CBLN2: variants seen among roughly 807,000 people sequenced by gnomAD.
CBLN2 encodes cerebellin-2.
In CBLN2, 7 loss-of-function variants were observed where a neutral mutation model predicts 15.0. That is an observed-to-expected ratio of 0.47 (90% CI 0.27 to 0.88). CBLN2 has a LOEUF of 0.88. Ranked by LOEUF, CBLN2 falls within the 40% of genes least tolerant of loss-of-function variation. The pLI, the probability that CBLN2 is intolerant of heterozygous loss-of-function variation, is 0.14. For synonymous variants in CBLN2, 149 were observed against 135.2 expected, an observed-to-expected ratio of 1.10 and a Z score of -0.71; for missense variants, 242 against 304.5, an observed-to-expected ratio of 0.79 and a Z score of 1.53.
At chr18:72,618,841 CAA>C (rs1360186558) in intron 1 of CBLN2, 21 of 735,494 alleles carry the variant, frequency 2.9e-5, no homozygotes, top group Middle Eastern at 7.7e-4. Context: ...TTCATCCAGC[CAA>C]AGAGATTGAA....
chr18:72,577,134 T>A (rs2144913671), intron 1 of CBLN2, among the ~76,000 whole-genome samples: 1 of 150,076 alleles, frequency 6.7e-6, no homozygotes, highest in South Asian at 2.1e-4. Context: ...ATAGAAATGT[T>A]TGCAATATAG....
chr18:72,607,541 A>G (rs1555672338), intron 1 of CBLN2, among the ~76,000 whole-genome samples: 5 of 152,176 alleles, frequency 3.3e-5, no homozygotes, highest in Non-Finnish European at 7.4e-5. Flanking sequence ...CTTCTAGAGC[A>G]CCCCACCAAA....
intron 1 of CBLN2, among the ~76,000 whole-genome samples, chr18:72,559,659 G>A (rs184488967): frequency 4.5e-4 from 69 of 152,328 alleles, no homozygotes; most frequent in Non-Finnish European, 8.2e-4. Context: ...ATTGCCAGCC[G>A]GTGGCCGGCA....
intron 1 of CBLN2, among the ~76,000 whole-genome samples, chr18:72,621,125 TG>T (rs1298337918): frequency 6.6e-6 from 1 of 152,218 alleles, no homozygotes; most frequent in Non-Finnish European, 1.5e-5. Flanking sequence ...TAGAGTCTGG[TG>T]TTGCTTTGCC....
At chr18:72,578,433 G>T (rs1359881661) in intron 1 of CBLN2, among the ~76,000 whole-genome samples, 1 of 152,086 alleles carries the variant, frequency 6.6e-6, no homozygotes, top group Non-Finnish European at 1.5e-5. Context: ...GAACTGTATG[G>T]CTTGAAGTCA....
intron 1 of CBLN2, among the ~76,000 whole-genome samples, chr18:72,580,134 A>C (rs569435164): frequency 3.4e-4 from 52 of 152,134 alleles, no homozygotes; most frequent in Admixed American, 3.9e-4. Context: ...GTAGGAAAAA[A>C]TGGCATGGGT....
At chr18:72,548,232 T>G (rs1202442392), upstream of CBLN2, among the ~76,000 whole-genome samples, 1 of 152,246 alleles carries the variant, frequency 6.6e-6, no homozygotes, top group African/African-American at 2.4e-5. Context: ...CTGACTGTGC[T>G]GCAGCCACAA....
In CBLN2 at chr18:72,591,405, G is replaced by A. The variant is rs1051688814; in HGVS notation, c.15+46920C>T. On this transcript the variant is annotated intron_variant, in intron 1 of 2. Transcript: ENST00000581073. ...AAGTGTATATATTTATGGTATACACGAGATATTTTGATACAGGCATACAAA... is the reference window on the plus strand; with the variant it reads ...AAGTGTATATATTTATGGTATACACAAGATATTTTGATACAGGCATACAAA... Among the ~76,000 whole-genome samples, 6 of 151,982 alleles carry A rather than the reference G, an allele frequency of 3.9e-5. No homozygotes were observed. The South Asian group carries it at 8.3e-4, about 21-fold the overall frequency.
chr18:72,575,071 C>CT (rs371754601), intron 1 of CBLN2, among the ~76,000 whole-genome samples: 105 of 152,200 alleles, frequency 6.9e-4, no homozygotes, highest in African/African-American at 2.4e-3. Context: ...GGAAAGGAGG[C>CT]TTCAGATGTA....
In CBLN2 at chr18:72,537,571, A is replaced by G. The variant is rs1568247368; in HGVS notation, c.*605T>C. 6.5e-6 allele frequency: 1 copy of G among 152,696 alleles called. No individual in the cohort carries two copies. Among genetic ancestry groups the G allele is most frequent in the Non-Finnish European group, 1.5e-5 (1 of 68,078 alleles). 9.5% of individuals were successfully genotyped at this position (152,696 alleles called of 1,614,324 possible). ...AATACAAAACAAAAATTGCAGTCCA[A>G]TCGTGCAAAATTTGCTTCTCTGGAT... On this transcript the variant is annotated 3_prime_UTR_variant, in exon 5 of 5. Transcript: ENST00000269503.
chr18:72,577,325 C>T (rs1025911258), intron 1 of CBLN2, among the ~76,000 whole-genome samples: 2 of 151,884 alleles, frequency 1.3e-5, no homozygotes, highest in African/African-American at 4.8e-5. Context: ...TTAAAAAGCA[C>T]ATTTTAAAAC....
chr18:72,589,094 A>G (rs571422009), intron 1 of CBLN2, among the ~76,000 whole-genome samples: 1 of 152,206 alleles, frequency 6.6e-6, no homozygotes, highest in Admixed American at 6.5e-5. Flanking sequence ...CATCGGTGGG[A>G]GGCAAGAATG....
intron 2 of CBLN2, chr18:72,542,962 C>G (rs1056767716): frequency 6.6e-6 from 1 of 152,556 alleles, no homozygotes; most frequent in African/African-American, 2.5e-5. Context: ...CACACACGGG[C>G]AGTAAAGCCA....
At chr18:72,586,825 G>A (rs959567346) in intron 1 of CBLN2, among the ~76,000 whole-genome samples, 1 of 151,924 alleles carries the variant, frequency 6.6e-6, no homozygotes, top group Non-Finnish European at 1.5e-5. Context: ...AGGCCTTTTG[G>A]GGTGTTATTT....
intron 1 of CBLN2, among the ~76,000 whole-genome samples, chr18:72,629,596 T>C (rs2069762057): frequency 6.6e-6 from 1 of 152,164 alleles, no homozygotes; most frequent in Admixed American, 6.5e-5. Flanking sequence ...AACTTTAATT[T>C]TGAATTCATG....
At chr18:72,623,872 C>T (rs2069716984) in intron 1 of CBLN2, among the ~76,000 whole-genome samples, 1 of 152,162 alleles carries the variant, frequency 6.6e-6, no homozygotes, top group Admixed American at 6.5e-5. Context: ...CGGAGTTCAA[C>T]TACTGGATCT....
At chr18:72,559,556 C>T (rs777959450) in intron 1 of CBLN2, among the ~76,000 whole-genome samples, 6 of 152,132 alleles carry the variant, frequency 3.9e-5, no homozygotes, top group East Asian at 3.9e-4. Flanking sequence ...ATAATCACAG[C>T]GGAGTATGAA....
intron 3 of CBLN2, 98 bp from the exon 4 acceptor site, chr18:72,538,870 A>T: frequency 6.7e-7 from 1 of 1,481,876 alleles, no homozygotes; most frequent in Non-Finnish European, 9.1e-7. Flanking sequence ...CTCCTTCATC[A>T]GCGGCTGGGA....
At chr18:72,576,057 G>A (rs1599006890) in intron 1 of CBLN2, among the ~76,000 whole-genome samples, 1 of 152,324 alleles carries the variant, frequency 6.6e-6, no homozygotes, top group African/African-American at 2.4e-5. Flanking sequence ...AAGTCAGGAA[G>A]TGAGTAGATG....
Sources: allele counts gnomAD v4.1 joint callset (sites outside exome capture counted in the v4.1 genomes callset), GRCh38; gene constraint gnomAD v4.1.1; transcripts MANE v1.5; gene names NCBI Gene and HGNC (gene_info 2026-07-23, HGNC 2026-07-21).